Variants in GRIN2A observed in about 807,000 individuals in gnomAD.
The protein encoded by GRIN2A is glutamate ionotropic receptor NMDA type subunit 2A, also known as glutamate receptor ionotropic, NMDA 2A.
A neutral mutation model predicts 113.4 loss-of-function variants in GRIN2A; 22 were observed. That is an observed-to-expected ratio of 0.19 (90% CI 0.14 to 0.28). GRIN2A has a LOEUF of 0.28. Among genes scored for constraint, GRIN2A ranks in the 10% least tolerant of loss-of-function variants. GRIN2A has a pLI of 1.00. For synonymous variants in GRIN2A, 827 were observed against 738.4 expected (o/e 1.12, Z -1.94); for missense variants, 1,502 against 1,887.0 (o/e 0.80, Z 3.78).
chr16:9,933,921 A>G (rs2044653861), intron 3 of GRIN2A, among the ~76,000 whole-genome samples: 1 of 152,262 alleles, frequency 6.6e-6, no homozygotes, highest in African/African-American at 2.4e-5. Context: ...GTTAGACAGA[A>G]GTATGCATTG....
chr16:10,105,855 T>C (rs908373693), intron 2 of GRIN2A, among the ~76,000 whole-genome samples: 4 of 152,172 alleles, frequency 2.6e-5, no homozygotes, highest in Non-Finnish European at 5.9e-5. Flanking sequence ...TGCAGACAGC[T>C]AAGATCGTGC....
At chr16:10,023,269 C>T (rs2046758644) in intron 2 of GRIN2A, among the ~76,000 whole-genome samples, 1 of 152,200 alleles carries the variant, frequency 6.6e-6, no homozygotes, top group Admixed American at 6.5e-5. Context: ...TGAAATAACT[C>T]ATCCAACTGA....
intron 11 of GRIN2A, among the ~76,000 whole-genome samples, chr16:9,792,079 T>TTGTGTGTG (rs71400495): frequency 8.9e-5 from 10 of 112,326 alleles, no homozygotes; most frequent in East Asian, 4.7e-4. Context: ...TGAAGTAAAA[T>TTGTGTGTG]TGTGTGTGTG....
intron 11 of GRIN2A, among the ~76,000 whole-genome samples, chr16:9,781,692 C>G (rs1351735304): frequency 6.6e-6 from 1 of 151,716 alleles, no homozygotes; most frequent in East Asian, 1.9e-4. Context: ...AATATGACGC[C>G]ATATATCAAG....
chr16:10,063,049 A>T (rs1335779419), intron 2 of GRIN2A, among the ~76,000 whole-genome samples: 2 of 152,220 alleles, frequency 1.3e-5, no homozygotes, highest in Non-Finnish European at 2.9e-5. Context: ...AGCCATAAAA[A>T]AGAACAAAAT....
chr16:10,035,722 A>AT (rs574342443), intron 2 of GRIN2A, among the ~76,000 whole-genome samples: 5,254 of 140,820 alleles, frequency 0.037, 111 homozygotes, highest in South Asian at 0.074. Context: ...TGGATGATCG[A>AT]TTTTTTTTTT....
At chr16:9,947,605 AGCTCTGAAT>A (rs1218108137) in intron 2 of GRIN2A, among the ~76,000 whole-genome samples, 1 of 152,338 alleles carries the variant, frequency 6.6e-6, no homozygotes, top group African/African-American at 2.4e-5. Flanking sequence ...GTCTCCAAAC[AGCTCTGAAT>A]GCTCAAGTTC....
chr16:9,758,172 G>A lies in GRIN2A; in HGVS notation c.*4977C>T, dbSNP rs1900436373. On this transcript the variant is annotated 3_prime_UTR_variant, in exon 13 of 13. Coordinates refer to ENST00000330684, the MANE Select transcript of GRIN2A (RefSeq NM_001134407.3). ...CTCTATTTTTCTAAGACCCTTCTGGGCAGGCACTTCTAGCTAATACTATAC... is the reference window on the plus strand; with the variant it reads ...CTCTATTTTTCTAAGACCCTTCTGGACAGGCACTTCTAGCTAATACTATAC... The A allele has an allele frequency of 9.2e-6, 2 of 217,644 alleles. No individual in the cohort carries two copies. Among genetic ancestry groups the A allele is most frequent in the South Asian group, 1.9e-4 (1 of 5,380 alleles). The allele number at this position is 217,644 out of a possible 1,614,324, so 13.5% of individuals were successfully genotyped here.
At chr16:10,022,969 C>A (rs1385425542) in intron 2 of GRIN2A, among the ~76,000 whole-genome samples, 2 of 152,172 alleles carry the variant, frequency 1.3e-5, no homozygotes, top group African/African-American at 4.8e-5. Context: ...GGATAAACTG[C>A]TCAGTTTGTA....
At chr16:9,968,038 C>T (rs939014947) in intron 2 of GRIN2A, among the ~76,000 whole-genome samples, 1 of 152,144 alleles carries the variant, frequency 6.6e-6, no homozygotes, top group African/African-American at 2.4e-5. Context: ...TCTATTATCT[C>T]ACGTAAACCT....
chr16:9,756,285 T>C lies in GRIN2A; in HGVS notation c.*6864A>G. The stretch of plus-strand genomic sequence containing the variant: ...AGTAGAGAAAATAACTCCCCAGAAA[T>C]TTTTTTAAATGCTAAGTGCAAGCAT... On this transcript the variant is annotated 3_prime_UTR_variant, in exon 13 of 13. Transcript: ENST00000330684. 4.4e-6 allele frequency: 1 copy of C among 228,238 alleles called. No homozygotes were observed. The highest frequency in any genetic ancestry group is 8.7e-6 in the Non-Finnish European group (1 of 114,898). 14.1% of individuals were successfully genotyped at this position (228,238 alleles called of 1,614,324 possible). A position where few individuals can be genotyped will look rare whatever the true frequency, so the allele number is the denominator to read the frequency against.
At chr16:9,837,088 A>G (rs552902593) in intron 7 of GRIN2A, among the ~76,000 whole-genome samples, 21 of 152,304 alleles carry the variant, frequency 1.4e-4, no homozygotes, top group African/African-American at 3.8e-4. Context: ...AACAGCAATA[A>G]AATCAGATTT....
chr16:9,963,989 T>G (rs1483051382), intron 2 of GRIN2A, among the ~76,000 whole-genome samples: 2 of 152,190 alleles, frequency 1.3e-5, no homozygotes, highest in African/African-American at 4.8e-5. Context: ...CACCGCACCA[T>G]GCAGTAAGTG....
intron 2 of GRIN2A, among the ~76,000 whole-genome samples, chr16:9,992,570 G>A (rs1410096516): frequency 6.6e-6 from 1 of 152,212 alleles, no homozygotes; most frequent in African/African-American, 2.4e-5. Flanking sequence ...TCCACCGGAG[G>A]CAAGGAACAG....
intron 2 of GRIN2A, among the ~76,000 whole-genome samples, chr16:10,039,790 G>T (rs2047111022): frequency 1.2e-5 from 1 of 83,258 alleles, no homozygotes; most frequent in African/African-American, 5.0e-5. Context: ...GGGAGGGGGA[G>T]GGGGAGGGGG....
At chr16:9,855,008 G>C (rs115356482) in intron 4 of GRIN2A, among the ~76,000 whole-genome samples, 1,526 of 151,996 alleles carry the variant, frequency 0.01, 22 homozygotes, top group African/African-American at 0.034. Context: ...GTGTGTGTGT[G>C]TGTGTGTGTG....
rs1024175212 is a variant in GRIN2A at position 9,759,936 on chromosome 16, A to T, written c.*3213T>A. 3 of 231,170 alleles carry T rather than the reference A, an allele frequency of 1.3e-5. No homozygotes were observed. The highest frequency in any genetic ancestry group is 4.4e-5 in the African/African-American group (2 of 45,238). 14.3% of individuals were successfully genotyped at this position (231,170 alleles called of 1,614,324 possible). A position where few individuals can be genotyped will look rare whatever the true frequency, so the allele number is the denominator to read the frequency against. ...AAGACTCTCTTACCCAGAGTATTTT[A>T]AATTGGTTGCATGTGCGTGCTATTA... On this transcript the variant is annotated 3_prime_UTR_variant, in exon 13 of 13. Transcript: ENST00000330684.
intron 2 of GRIN2A, among the ~76,000 whole-genome samples, chr16:9,982,535 G>T (rs929094727): frequency 6.6e-6 from 1 of 152,190 alleles, no homozygotes; most frequent in African/African-American, 2.4e-5. Context: ...TACAGTAAAC[G>T]CATGCTTCTT....
At chr16:10,082,797 A>G (rs2048009216) in intron 2 of GRIN2A, among the ~76,000 whole-genome samples, 1 of 152,248 alleles carries the variant, frequency 6.6e-6, no homozygotes, top group Non-Finnish European at 1.5e-5. Context: ...CCAAGAACAA[A>G]TAATACCTAC....
Sources: gnomAD v4.1 joint callset for allele counts (sites outside exome capture counted in the v4.1 genomes callset) on GRCh38, gnomAD v4.1.1 for gene constraint, MANE v1.5 for transcripts, NCBI Gene and HGNC (gene_info 2026-07-23, HGNC 2026-07-21) for gene names.